Variants in LMBR1 observed in about 807,000 individuals in gnomAD.
The protein encoded by LMBR1 is limb region 1 protein homolog.
LMBR1 carries 52 observed loss-of-function variants against 73.9 expected under a neutral mutation model. That is an observed-to-expected ratio of 0.70 (90% CI 0.56 to 0.89). The LOEUF (loss-of-function observed/expected upper bound fraction) is 0.89, where lower values mean the gene tolerates loss of function less well. LMBR1 is among the 40% of genes least tolerant of loss of function. The pLI is 0.00. For synonymous variants in LMBR1, 215 were observed against 209.4 expected (o/e 1.03, Z -0.23); for missense variants, 539 against 579.8 (o/e 0.93, Z 0.72).
intron 5 of LMBR1, among the ~76,000 whole-genome samples, chr7:156,765,742 C>G (rs1037125153): frequency 2.6e-5 from 4 of 152,128 alleles, no homozygotes; most frequent in African/African-American, 7.2e-5. Flanking sequence ...TTGTGTTACA[C>G]TCTCTCAATC....
At chr7:156,675,628 C>T (rs9632531), downstream of LMBR1, 7 of 1,390,412 alleles carry the variant, frequency 5.0e-6, no homozygotes, top group Admixed American at 3.5e-5. Flanking sequence ...TGGTCAGGCT[C>T]GAGAGCGCTT....
At chr7:156,700,272 C>G (rs1254185136) in intron 15 of LMBR1, among the ~76,000 whole-genome samples, 1 of 152,126 alleles carries the variant, frequency 6.6e-6, no homozygotes, top group East Asian at 1.9e-4. Context: ...AACCATCATT[C>G]TCAGCAAACT....
chr7:156,670,522 C>CCACAGATTTAAGAAGCCCAAGG lies in LMBR1; in HGVS notation n.867-1257_867-1236dup, dbSNP rs1802255011. On this transcript the variant is annotated intron_variant and non_coding_transcript_variant, in intron 4 of 4. Coordinates refer to the LMBR1 transcript ENST00000430825. This position sits in a 1 kb window ranked among gnomAD's most constrained non-coding sequence, Gnocchi z 4.3. ...TTTCCAGATCTGAAGAAGATACAAG[C>CCACAGATTTAAGAAGCCCAAGG]CACAGATTTAAGAAGCCCAAGGAAG... 6.6e-6 allele frequency among the ~76,000 whole-genome samples: 1 copy of CCACAGATTTAAGAAGCCCAAGG among 152,188 alleles called. No individual in the cohort carries two copies. Among genetic ancestry groups the CCACAGATTTAAGAAGCCCAAGG allele is most frequent in the Admixed American group, 6.5e-5 (1 of 15,276 alleles).
intron 4 of LMBR1, among the ~76,000 whole-genome samples, chr7:156,800,576 A>G (rs6945929): frequency 0.44 from 66,655 of 151,466 alleles, 14,827 homozygotes; most frequent in East Asian, 0.61. Flanking sequence ...AGATGTTTAA[A>G]AAGATCAATA....
At chr7:156,696,211 T>C (rs1808250826) in intron 15 of LMBR1, among the ~76,000 whole-genome samples, 1 of 152,182 alleles carries the variant, frequency 6.6e-6, no homozygotes, top group Admixed American at 6.5e-5. Flanking sequence ...TTTAATAAAT[T>C]TGACTTCATC....
chr7:156,869,180 C>G (rs916339923), intron 1 of LMBR1, among the ~76,000 whole-genome samples: 9 of 151,982 alleles, frequency 5.9e-5, no homozygotes, highest in Non-Finnish European at 4.4e-5. Context: ...TCCCATCATG[C>G]CTTAAGTTTC....
chr7:156,856,733 C>T (rs887439172), intron 1 of LMBR1, among the ~76,000 whole-genome samples: 6 of 151,534 alleles, frequency 4.0e-5, no homozygotes, highest in Non-Finnish European at 7.4e-5. Context: ...AAAGAAAGAT[C>T]ATTAGAGAAG....
At chr7:156,738,159 T>G in intron 9 of LMBR1, among the ~76,000 whole-genome samples, 1 of 152,210 alleles carries the variant, frequency 6.6e-6, no homozygotes, top group East Asian at 1.9e-4. Flanking sequence ...GGAGAGAGAA[T>G]CTGTGTACTT....
chr7:156,772,639 G>C (rs1563325270), intron 5 of LMBR1, among the ~76,000 whole-genome samples: 1 of 152,140 alleles, frequency 6.6e-6, no homozygotes, highest in Non-Finnish European at 1.5e-5. Flanking sequence ...CCTGAGGTCA[G>C]GCATTTGAGA....
chr7:156,872,446 G>A (rs544841330), intron 1 of LMBR1, among the ~76,000 whole-genome samples: 8 of 152,042 alleles, frequency 5.3e-5, no homozygotes, highest in South Asian at 2.1e-4. Context: ...TCAGGAGTTC[G>A]AGACCACCCA....
At chr7:156,819,315 T>C (rs1252404649) in intron 4 of LMBR1, among the ~76,000 whole-genome samples, 1 of 152,186 alleles carries the variant, frequency 6.6e-6, no homozygotes, top group Admixed American at 6.5e-5. Context: ...AAAAAAGCAT[T>C]ATCAACACAT....
At chr7:156,842,103 G>T (rs1838808954) in intron 1 of LMBR1, among the ~76,000 whole-genome samples, 1 of 150,892 alleles carries the variant, frequency 6.6e-6, no homozygotes, top group Non-Finnish European at 1.5e-5. Context: ...TACATTTTTT[G>T]ATGGCATCTA....
chr7:156,686,820 TA>T (rs1350654837), intron 16 of LMBR1, among the ~76,000 whole-genome samples: 1 of 152,260 alleles, frequency 6.6e-6, no homozygotes, highest in African/African-American at 2.4e-5. Flanking sequence ...GCTGATATTA[TA>T]ACAGGCTTAA....
chr7:156,785,412 C>A (rs1456162648), intron 5 of LMBR1, among the ~76,000 whole-genome samples: 2 of 151,964 alleles, frequency 1.3e-5, no homozygotes, highest in African/African-American at 4.8e-5. Flanking sequence ...TAACCAAAAC[C>A]ATCAGTGTAA....
intron 8 of LMBR1, among the ~76,000 whole-genome samples, chr7:156,758,105 G>T (rs951266769): frequency 2.0e-5 from 3 of 152,186 alleles, no homozygotes; most frequent in Non-Finnish European, 4.4e-5. Flanking sequence ...AGGCTGAAAT[G>T]AGTGGCAAGT....
At chr7:156,768,565 G>A (rs1158728110) in intron 5 of LMBR1, among the ~76,000 whole-genome samples, 1 of 152,092 alleles carries the variant, frequency 6.6e-6, no homozygotes, top group African/African-American at 2.4e-5. Flanking sequence ...GCCCAGCCTC[G>A]ACATTAGGAG....
At chr7:156,837,032 A>G (rs1297861962) in intron 1 of LMBR1, 147 bp from the exon 2 acceptor site, 2 of 616,874 alleles carry the variant, frequency 3.2e-6, no homozygotes, top group Non-Finnish European at 5.5e-6. Flanking sequence ...TAAAGTTTTA[A>G]TAAAACATAG....
chr7:156,892,283 G>T (rs1247571385), intron 1 of LMBR1, among the ~76,000 whole-genome samples: 3 of 152,240 alleles, frequency 2.0e-5, no homozygotes, highest in Admixed American at 6.5e-5. Context: ...CAACCCACGT[G>T]GGGGCTGGGG....
intron 1 of LMBR1, among the ~76,000 whole-genome samples, chr7:156,862,444 C>T (rs1248270064): frequency 6.6e-6 from 1 of 150,414 alleles, no homozygotes; most frequent in African/African-American, 2.5e-5. Context: ...TATTGTGGAT[C>T]ATACACCTAA....
Sources: allele counts gnomAD v4.1 joint callset (sites outside exome capture counted in the v4.1 genomes callset), GRCh38; gene constraint gnomAD v4.1.1; non-coding constraint Gnocchi (gnomAD v3.1); transcripts MANE v1.5; gene names NCBI Gene and HGNC (gene_info 2026-07-23, HGNC 2026-07-21).